The following SLC22A2 variants were observed in gnomAD, a reference collection of about 807,000 sequenced individuals.
SLC22A2 encodes organic cation transporter 2.
A neutral mutation model predicts 60.5 loss-of-function variants in SLC22A2; 46 were observed. The ratio of observed to expected loss-of-function variants is 0.76; its 90% CI spans 0.60 to 0.97. The LOEUF is 0.97. Among genes scored for constraint, SLC22A2 ranks in the 50% least tolerant of loss-of-function variants. The pLI is 0.00. For synonymous variants in SLC22A2, 303 were observed against 267.0 expected (o/e 1.13, Z -1.31); for missense variants, 701 against 706.6 (o/e 0.99, Z 0.09).
intron 9 of SLC22A2, among the ~76,000 whole-genome samples, chr6:160,231,582 C>A (rs748530319): frequency 6.6e-6 from 1 of 151,788 alleles, no homozygotes; most frequent in South Asian, 2.1e-4. Context: ...CTTACAATAC[C>A]CCCATCTTAC....
chr6:160,250,618 C>T lies in SLC22A2; in HGVS notation c.603G>A (p.Thr201=), dbSNP rs141320073. 50 of 1,613,904 alleles carry T rather than the reference C, an allele frequency of 3.1e-5. No individual in the cohort carries two copies. The highest frequency in any genetic ancestry group is 6.6e-5 in the South Asian group (6 of 91,094). ...GGATTAAGCGAAAAATTAACATCCA[C>T]GTATAGGTTGGGGAAATGGCCATGA... ...GVLMAISPTY[T]WMLIFRLIQG... Residue 201 remains threonine (T), a synonymous_variant, in exon 3 of 11, where the codon ACG becomes ACA. Transcript: ENST00000366953.
At chr6:160,246,144 G>A (rs1783091315) in intron 5 of SLC22A2, among the ~76,000 whole-genome samples, 1 of 151,966 alleles carries the variant, frequency 6.6e-6, no homozygotes, top group East Asian at 2.0e-4. Context: ...GGGATTACAG[G>A]CATGAGCCAC....
chr6:160,251,957 G>A (rs1783192294), intron 2 of SLC22A2, among the ~76,000 whole-genome samples: 1 of 152,132 alleles, frequency 6.6e-6, no homozygotes, highest in Non-Finnish European at 1.5e-5. Context: ...TTTTGACCAT[G>A]TAATTTCATT....
intron 10 of SLC22A2, among the ~76,000 whole-genome samples, chr6:160,223,266 T>C (rs1047493120): frequency 6.6e-6 from 1 of 152,154 alleles, no homozygotes; most frequent in Non-Finnish European, 1.5e-5. Flanking sequence ...GTTCATATGG[T>C]CCAAAATTCA....
In SLC22A2 at chr6:160,243,930, T is replaced by C. The variant is rs142116206; in HGVS notation, c.1065-144A>G. 1.5e-3 allele frequency: 921 copies of C among 619,226 alleles called. 6 individuals are homozygous for C. The African/African-American group carries it at 0.016, about 10-fold the overall frequency. 38.4% of individuals were successfully genotyped at this position (619,226 alleles called of 1,614,324 possible). ...CTAGTCCCCCATCCCACTGCTTTTATAATCTCTGATCTACTTCAGTGGCTG... is the reference window on the plus strand; with the variant it reads ...CTAGTCCCCCATCCCACTGCTTTTACAATCTCTGATCTACTTCAGTGGCTG... On this transcript the variant is annotated intron_variant, in intron 6 of 10. Coordinates refer to ENST00000366953, the MANE Select transcript of SLC22A2 (RefSeq NM_003058.4).
rs79067185 is a variant in SLC22A2 at position 160,217,132 on chromosome 6, G to A, written c.*300C>T. ...CTATGTATTCTGGTTAGATAGCATT[G>A]CAAAGAAAAGAATCAAATTTAAAAA... On this transcript the variant is annotated 3_prime_UTR_variant, in exon 11 of 11. Coordinates refer to ENST00000366953, the MANE Select transcript of SLC22A2 (RefSeq NM_003058.4). The A allele has an allele frequency of 4.4e-5, 11 of 250,936 alleles. No homozygotes were observed. In the East Asian group the frequency reaches 8.1e-4, roughly 18 times the overall value. The allele number at this position is 250,936 out of a possible 1,614,324, so 15.5% of individuals were successfully genotyped here.
At chr6:160,253,819 T>C (rs1783225668) in intron 2 of SLC22A2, among the ~76,000 whole-genome samples, 1 of 152,210 alleles carries the variant, frequency 6.6e-6, no homozygotes, top group South Asian at 2.1e-4. Context: ...TGCTGTGTAA[T>C]GGTGCACACT....
chr6:160,228,687 C>T (rs1782767420), intron 9 of SLC22A2, among the ~76,000 whole-genome samples: 1 of 152,130 alleles, frequency 6.6e-6, no homozygotes, highest in Non-Finnish European at 1.5e-5. Flanking sequence ...CCATCATATC[C>T]CCTGTGGCCT....
chr6:160,241,519 A>G lies in SLC22A2; in HGVS notation c.1456T>C (p.Tyr486His). 1 of 1,613,832 alleles carries G rather than the reference A, an allele frequency of 6.2e-7. No homozygotes were observed. The highest frequency in any genetic ancestry group is 8.5e-7 in the Non-Finnish European group (1 of 1,179,772). ...IGGIITPFLV[Y>H]RLTNIWLELP... is the part of the protein sequence containing the mutation. ...TCAAGCCAGATGTTAGTGAGCCGGT[A>G]GACCAGGAATGGCGTGATGATGCCA... The change falls in exon 9 of 11, where the codon TAC becomes CAC. Residue 486 changes from tyrosine to histidine, a missense_variant. Tyr to His is a moderately conservative substitution (Grantham distance 83). Coordinates refer to ENST00000366953, the MANE Select transcript of SLC22A2 (RefSeq NM_003058.4).
intron 3 of SLC22A2, 83 bp downstream of exon 3, chr6:160,250,465 T>C: frequency 7.4e-7 from 1 of 1,357,118 alleles, no homozygotes. Context: ...TGGGTCCCTT[T>C]TCTTGCATGC....
chr6:160,247,569 G>T (rs1256465513), intron 4 of SLC22A2, among the ~76,000 whole-genome samples: 2 of 152,320 alleles, frequency 1.3e-5, no homozygotes, highest in Non-Finnish European at 1.5e-5. Flanking sequence ...AGGTCCCTCA[G>T]GGTGGCCCTG....
At chr6:160,226,539 T>C (rs1327476673) in intron 9 of SLC22A2, among the ~76,000 whole-genome samples, 1 of 152,174 alleles carries the variant, frequency 6.6e-6, no homozygotes, top group African/African-American at 2.4e-5. Context: ...CTGTAACCAA[T>C]CCCATTATTT....
intron 2 of SLC22A2, among the ~76,000 whole-genome samples, chr6:160,252,481 G>A (rs1334599009): frequency 6.6e-6 from 1 of 152,204 alleles, no homozygotes; most frequent in East Asian, 1.9e-4. Context: ...AATAAGGCAT[G>A]GCTAGAATAA....
At chr6:160,239,818 C>G (rs991705918) in intron 9 of SLC22A2, among the ~76,000 whole-genome samples, 1 of 152,176 alleles carries the variant, frequency 6.6e-6, no homozygotes, top group African/African-American at 2.4e-5. Context: ...CATCTTATTG[C>G]TATTAAACTG....
intron 10 of SLC22A2, among the ~76,000 whole-genome samples, chr6:160,221,682 TG>T (rs1420824748): frequency 6.6e-6 from 1 of 152,202 alleles, no homozygotes; most frequent in Non-Finnish European, 1.5e-5. Flanking sequence ...GGTTGTGTCT[TG>T]GGCCATAGGA....
rs1013601892 is a variant in SLC22A2 at position 160,240,367 on chromosome 6, A to T, written c.1501+1107T>A. 2.0e-5 allele frequency among the ~76,000 whole-genome samples: 3 copies of T among 152,146 alleles called. No individual in the cohort carries two copies. In the East Asian group the frequency reaches 5.8e-4, roughly 29 times the overall value. On this transcript the variant is annotated intron_variant, in intron 9 of 10. Transcript: ENST00000366953. Reference sequence around the variant, plus strand: ...GCCTCTCTGAGTAGGTGGAGGAATGACTGATCTTGTCTTTATTCTGTACAT... The same window carrying T: ...GCCTCTCTGAGTAGGTGGAGGAATGTCTGATCTTGTCTTTATTCTGTACAT...
chr6:160,252,067 C>A (rs1562438639), intron 2 of SLC22A2, among the ~76,000 whole-genome samples: 1 of 152,160 alleles, frequency 6.6e-6, no homozygotes, highest in Non-Finnish European at 1.5e-5. Context: ...TACCTATCAA[C>A]CCATCACCTA....
chr6:160,247,385 A>G (rs534625565), intron 4 of SLC22A2, 87 bp from the exon 5 acceptor site: 2 of 744,578 alleles, frequency 2.7e-6, no homozygotes, highest in South Asian at 1.5e-5. Flanking sequence ...TTCTCTGAGG[A>G]TGTTAATACA....
intron 9 of SLC22A2, among the ~76,000 whole-genome samples, chr6:160,237,709 C>T (rs1336600559): frequency 6.6e-6 from 1 of 152,132 alleles, no homozygotes; most frequent in Non-Finnish European, 1.5e-5. Context: ...TGAAGAGGGG[C>T]TGGGTAAAAT....
Sources: gnomAD v4.1 joint callset for allele counts (sites outside exome capture counted in the v4.1 genomes callset) on GRCh38, gnomAD v4.1.1 for gene constraint, MANE v1.5 for transcripts, NCBI Gene and HGNC (gene_info 2026-07-23, HGNC 2026-07-21) for gene names.